The following KIRREL3 variants were observed in gnomAD, a reference collection of about 807,000 sequenced individuals.
KIRREL3 encodes the protein kin of IRRE-like protein 3.
KIRREL3 carries 36 observed loss-of-function variants against 89.7 expected under a neutral mutation model. The observed-to-expected ratio is 0.40, with a 90% CI of 0.31 to 0.53. The LOEUF (loss-of-function observed/expected upper bound fraction) is 0.53. KIRREL3 is among the 20% of genes least tolerant of loss of function. The pLI, the probability that KIRREL3 is intolerant of heterozygous loss-of-function variation, is 0.49. For synonymous variants in KIRREL3, 445 were observed against 441.4 expected, an observed-to-expected ratio of 1.01 and a Z score of -0.10; for missense variants, 864 against 1,056.6, an observed-to-expected ratio of 0.82 and a Z score of 2.53.
chr11:126,649,035 C>A (rs920083688), intron 1 of KIRREL3, among the ~76,000 whole-genome samples: 1 of 152,146 alleles, frequency 6.6e-6, no homozygotes, highest in Admixed American at 6.5e-5. Context: ...AAAGGCACTT[C>A]TTAAATGGAG....
intron 1 of KIRREL3, among the ~76,000 whole-genome samples, chr11:126,657,141 T>A (rs1474006554): frequency 1.3e-5 from 2 of 152,122 alleles, no homozygotes; most frequent in Non-Finnish European, 2.9e-5. Context: ...TTTCATTTGT[T>A]TATTCTATAA....
At position 126,705,401 on chromosome 11, in the gene KIRREL3, A is replaced by T. The variant is rs1403174695; in HGVS notation, c.56-142489T>A. Among the ~76,000 whole-genome samples, 2 of 151,992 alleles carry T rather than the reference A, an allele frequency of 1.3e-5. No homozygotes were observed. Among genetic ancestry groups the T allele is most frequent in the South Asian group, 4.2e-4 (2 of 4,804 alleles). On this transcript the variant is annotated intron_variant, in intron 1 of 16. Transcript: ENST00000525144. This position sits in a 1 kb window ranked among gnomAD's most constrained non-coding sequence, Gnocchi z 4.3. ...TTGTTGATCAGTTTGTTCACATGAG[A>T]TCTGGTTGTTTAAAAGTCTGAGACC...
chr11:126,824,484 C>CA (rs1276443797), intron 1 of KIRREL3, among the ~76,000 whole-genome samples: 1 of 152,196 alleles, frequency 6.6e-6, no homozygotes, highest in Non-Finnish European at 1.5e-5. Flanking sequence ...AGACAGGTCT[C>CA]AATCGATCCA....
intron 4 of KIRREL3, among the ~76,000 whole-genome samples, chr11:126,499,582 G>A (rs553889981): frequency 6.6e-6 from 1 of 152,302 alleles, no homozygotes; most frequent in African/African-American, 2.4e-5. Context: ...TGACTGGGCT[G>A]ACATCCGACT....
intron 11 of KIRREL3, among the ~76,000 whole-genome samples, chr11:126,439,517 TA>T (rs1591533631): frequency 6.7e-6 from 1 of 149,298 alleles, no homozygotes; most frequent in South Asian, 2.2e-4. Flanking sequence ...ACCCTCCCTT[TA>T]AAAAAATGCA....
rs769515510 is a variant in KIRREL3 at position 126,437,016 on chromosome 11, G to C, written c.1354-7C>G. ...TCTCCTTCCAGGACCAGGCCTGCCC[G>C]GGGGCGCAGAATCAGGAGGAGACCC... On this transcript the variant is annotated splice_polypyrimidine_tract_variant and splice_region_variant and intron_variant, in intron 11 of 16. Transcript: ENST00000525144. 2 of 1,517,220 alleles carry C rather than the reference G, an allele frequency of 1.3e-6. No individual in the cohort carries two copies. The highest frequency in any genetic ancestry group is 1.8e-6 in the Non-Finnish European group (2 of 1,125,612). 94.0% of individuals were successfully genotyped at this position (1,517,220 alleles called of 1,614,324 possible).
At chr11:126,760,183 G>C (rs1398510985) in intron 1 of KIRREL3, among the ~76,000 whole-genome samples, 1 of 152,162 alleles carries the variant, frequency 6.6e-6, no homozygotes, top group Non-Finnish European at 1.5e-5. Flanking sequence ...CCTCCTGTCT[G>C]TCTGGGGGTC....
rs566926760 is a variant in KIRREL3 at position 126,832,765 on chromosome 11, G to A, written c.55+167690C>T. On this transcript the variant is annotated intron_variant, in intron 1 of 16. Coordinates refer to ENST00000525144, the MANE Select transcript of KIRREL3 (RefSeq NM_032531.4). ...AGTGTGGCTCAGGAGGCAGCAACTG[G>A]AGAAATAGAAAACCTACTCCTTTTT... is the stretch of plus-strand genomic sequence containing the variant. 3.9e-5 allele frequency among the ~76,000 whole-genome samples: 6 copies of A among 152,284 alleles called. No homozygotes were observed. The South Asian group carries it at 6.2e-4, about 16-fold the overall frequency.
At chr11:126,853,674 A>G (rs768297129) in intron 1 of KIRREL3, among the ~76,000 whole-genome samples, 1 of 152,122 alleles carries the variant, frequency 6.6e-6, no homozygotes, top group Non-Finnish European at 1.5e-5. Context: ...GACACCCTGC[A>G]TATGCTTTTA....
At chr11:126,713,850 A>G (rs1174886709) in intron 1 of KIRREL3, among the ~76,000 whole-genome samples, 1 of 152,116 alleles carries the variant, frequency 6.6e-6, no homozygotes, top group Non-Finnish European at 1.5e-5. Context: ...AGTGGGGAGC[A>G]CGGAACAGCA....
intron 1 of KIRREL3, among the ~76,000 whole-genome samples, chr11:126,929,960 C>T (rs909234039): frequency 2.7e-5 from 4 of 147,792 alleles, no homozygotes; most frequent in African/African-American, 5.1e-5. Context: ...CCCCCCCCCC[C>T]CACCTCACCG....
In KIRREL3 at chr11:126,983,474, A is replaced by G. The variant is rs1345897581; in HGVS notation, c.55+16981T>C. ...CAGATGTAATTAAGTTAAGGTCTTG[A>G]GAGAGAGAGATTTTCCTAAATTACC... is the stretch of plus-strand genomic sequence containing the variant. On this transcript the variant is annotated intron_variant, in intron 1 of 16. Coordinates refer to ENST00000525144, the MANE Select transcript of KIRREL3 (RefSeq NM_032531.4). This position sits in a 1 kb window ranked among gnomAD's most constrained non-coding sequence, Gnocchi z 4.9. Among the ~76,000 whole-genome samples the G allele has an allele frequency of 6.6e-6, 1 of 152,198 alleles. No homozygotes were observed. Among genetic ancestry groups the G allele is most frequent in the Non-Finnish European group, 1.5e-5 (1 of 68,026 alleles).
chr11:126,917,477 C>A lies in KIRREL3; in HGVS notation c.55+82978G>T, dbSNP rs1365053908. On this transcript the variant is annotated intron_variant, in intron 1 of 16. Coordinates refer to ENST00000525144, the MANE Select transcript of KIRREL3 (RefSeq NM_032531.4). This position sits in a 1 kb window ranked among gnomAD's most constrained non-coding sequence, Gnocchi z 5.0. ...ATTTCATGTTGTATATATTTTACCACAATAAAAAAATTAAAAAAAAACAAG... is the reference window on the plus strand; with the variant it reads ...ATTTCATGTTGTATATATTTTACCAAAATAAAAAAATTAAAAAAAAACAAG... Among the ~76,000 whole-genome samples, 5 of 150,012 alleles carry A rather than the reference C, an allele frequency of 3.3e-5. No homozygotes were observed. The Middle Eastern group carries it at 0.01, about 310-fold the overall frequency.
chr11:126,510,215 C>T (rs1958171651), intron 4 of KIRREL3, among the ~76,000 whole-genome samples: 1 of 152,012 alleles, frequency 6.6e-6, no homozygotes, highest in South Asian at 2.1e-4. Context: ...CTCTCTTGGG[C>T]CAGCCCATGA....
At chr11:126,518,009 G>T (rs1565517305) in intron 4 of KIRREL3, among the ~76,000 whole-genome samples, 1 of 152,222 alleles carries the variant, frequency 6.6e-6, no homozygotes, top group African/African-American at 2.4e-5. Context: ...GCCACAGAGG[G>T]CACGCAGCCT....
rs192465484 is a variant in KIRREL3, at chr11:126,709,333, C to T, written c.56-146421G>A. ...TTTGGGGTTCCAATCAGTCCTATCT[C>T]TTCCCCGGGAGTAGGGGTGGAGGGG... is the stretch of plus-strand genomic sequence containing the variant. On this transcript the variant is annotated intron_variant, in intron 1 of 16. Transcript: ENST00000525144. The surrounding 1 kb of genome is among the most constrained non-coding windows in gnomAD (Gnocchi z 4.0). 3.9e-4 allele frequency among the ~76,000 whole-genome samples: 60 copies of T among 152,294 alleles called. No individual in the cohort carries two copies. Among genetic ancestry groups the T allele is most frequent in the Non-Finnish European group, 7.1e-4 (48 of 68,036 alleles).
At chr11:126,721,529 C>CA (rs11410774) in intron 1 of KIRREL3, among the ~76,000 whole-genome samples, 51,917 of 135,284 alleles carry the variant, frequency 0.38, 10,778 homozygotes, top group East Asian at 0.76. Flanking sequence ...AACTCCGTCT[C>CA]AAAAAAAAAA....
rs889499778 is a variant in KIRREL3 at position 126,837,765 on chromosome 11, A to G, written c.55+162690T>C. 9.2e-5 allele frequency among the ~76,000 whole-genome samples: 14 copies of G among 152,224 alleles called. No homozygotes were observed. The highest frequency in any genetic ancestry group is 3.4e-4 in the African/African-American group (14 of 41,462). The stretch of plus-strand genomic sequence containing the variant: ...AAAGGTGATTTTGTCAAAGCATAAC[A>G]CTACCTCTCACAATGGAAGCTTTGT... On this transcript the variant is annotated intron_variant, in intron 1 of 16. Transcript: ENST00000525144. This position sits in a 1 kb window ranked among gnomAD's most constrained non-coding sequence, Gnocchi z 4.7.
At chr11:126,456,533 C>T in intron 6 of KIRREL3, 79 bp from the exon 7 acceptor site, 2 of 932,664 alleles carry the variant, frequency 2.1e-6, no homozygotes, top group Non-Finnish European at 3.3e-6. Flanking sequence ...GAGGATACAG[C>T]CAGAGACTCC....
Sources: gnomAD v4.1 joint callset for allele counts (sites outside exome capture counted in the v4.1 genomes callset) on GRCh38, gnomAD v4.1.1 for gene constraint, Gnocchi (gnomAD v3.1) non-coding constraint, MANE v1.5 for transcripts, NCBI Gene and HGNC (gene_info 2026-07-23, HGNC 2026-07-21) for gene names.